Variants in HS6ST3 observed in about 807,000 individuals in gnomAD.
HS6ST3 encodes the protein heparan sulfate 6-O-sulfotransferase 3.
Under a neutral mutation model 36.7 loss-of-function variants are expected in HS6ST3, and 12 were observed. The ratio of observed to expected loss-of-function variants is 0.33; its 90% CI spans 0.21 to 0.53. The LOEUF (loss-of-function observed/expected upper bound fraction) is 0.53. Among genes scored for constraint, HS6ST3 ranks in the 20% least tolerant of loss-of-function variants. The pLI is 0.95. For synonymous variants in HS6ST3, 240 were observed against 257.5 expected, an observed-to-expected ratio of 0.93 and a Z score of 0.65; for missense variants, 584 against 640.9, an observed-to-expected ratio of 0.91 and a Z score of 0.96.
chr13:96,179,199 T>C (rs909664174), intron 1 of HS6ST3, among the ~76,000 whole-genome samples: 1 of 152,012 alleles, frequency 6.6e-6, no homozygotes, highest in Non-Finnish European at 1.5e-5. Flanking sequence ...CAAGGTACCT[T>C]CAAAAAAAGA....
chr13:96,438,657 A>T (rs1442955138), intron 1 of HS6ST3, among the ~76,000 whole-genome samples: 1 of 152,208 alleles, frequency 6.6e-6, no homozygotes, highest in African/African-American at 2.4e-5. Context: ...CTCACAATTG[A>T]TTGTTCCTGA....
intron 1 of HS6ST3, among the ~76,000 whole-genome samples, chr13:96,750,702 A>G (rs1219514348): frequency 6.6e-6 from 1 of 152,200 alleles, no homozygotes; most frequent in Non-Finnish European, 1.5e-5. Context: ...AACCATGTAG[A>G]CATTCAAGAA....
chr13:96,321,597 C>T (rs527582523), intron 1 of HS6ST3, among the ~76,000 whole-genome samples: 2 of 152,156 alleles, frequency 1.3e-5, no homozygotes, highest in Non-Finnish European at 2.9e-5. Context: ...TGGCTACCTC[C>T]TTTTCACTGT....
intron 1 of HS6ST3, among the ~76,000 whole-genome samples, chr13:96,315,163 C>T (rs1018620900): frequency 6.6e-6 from 1 of 152,124 alleles, no homozygotes; most frequent in Non-Finnish European, 1.5e-5. Context: ...ATACTACACC[C>T]AGTGTCTGCA....
intron 1 of HS6ST3, among the ~76,000 whole-genome samples, chr13:96,234,013 C>T (rs2054520296): frequency 6.6e-6 from 1 of 151,632 alleles, no homozygotes; most frequent in Non-Finnish European, 1.5e-5. Context: ...ATGGGACACA[C>T]CATAGCACAT....
chr13:96,240,069 C>T (rs1691997463), intron 1 of HS6ST3, among the ~76,000 whole-genome samples: 1 of 152,026 alleles, frequency 6.6e-6, no homozygotes, highest in Non-Finnish European at 1.5e-5. Context: ...AATTTGGGGT[C>T]AGGGAGTGGT....
intron 1 of HS6ST3, among the ~76,000 whole-genome samples, chr13:96,823,807 A>G (rs192139059): frequency 6.6e-6 from 1 of 152,074 alleles, no homozygotes; most frequent in East Asian, 1.9e-4. Context: ...TTTAGTAGAG[A>G]TAGGGTTTCG....
chr13:96,638,421 G>A (rs1307363403), intron 1 of HS6ST3, among the ~76,000 whole-genome samples: 1 of 152,016 alleles, frequency 6.6e-6, no homozygotes, highest in Non-Finnish European at 1.5e-5. Context: ...CTCTACTGCA[G>A]TTTCTTCATC....
At chr13:96,321,618 C>A (rs2139415170) in intron 1 of HS6ST3, among the ~76,000 whole-genome samples, 1 of 152,306 alleles carries the variant, frequency 6.6e-6, no homozygotes. Context: ...CTCTCACTGT[C>A]CTCATTCCTG....
chr13:96,381,165 G>T (rs2055338666), intron 1 of HS6ST3, among the ~76,000 whole-genome samples: 1 of 152,158 alleles, frequency 6.6e-6, no homozygotes, highest in South Asian at 2.1e-4. Flanking sequence ...CATGCTTGAG[G>T]CAATGGATAA....
At chr13:96,134,189 T>C (rs775867810) in intron 1 of HS6ST3, among the ~76,000 whole-genome samples, 2 of 152,148 alleles carry the variant, frequency 1.3e-5, no homozygotes, top group Non-Finnish European at 2.9e-5. Flanking sequence ...CCATTTACTT[T>C]TGTTGTTCTT....
At chr13:96,757,534 A>G (rs1220053745) in intron 1 of HS6ST3, among the ~76,000 whole-genome samples, 1 of 152,184 alleles carries the variant, frequency 6.6e-6, no homozygotes. Context: ...ATTGAATAAA[A>G]TTGCTATGAT....
intron 1 of HS6ST3, chr13:96,574,363 C>A: frequency 2.4e-6 from 1 of 423,884 alleles, no homozygotes; most frequent in Non-Finnish European, 4.6e-6. Flanking sequence ...ATCCAATTAC[C>A]AGTGAATTTG....
chr13:96,104,218 T>A (rs1198245205), intron 1 of HS6ST3, among the ~76,000 whole-genome samples: 1 of 152,198 alleles, frequency 6.6e-6, no homozygotes, highest in African/African-American at 2.4e-5. Flanking sequence ...TACTTTAGAA[T>A]AGAAAATAAA....
chr13:96,464,946 T>C (rs1183989129), intron 1 of HS6ST3, among the ~76,000 whole-genome samples: 1 of 104,734 alleles, frequency 9.5e-6, no homozygotes, highest in Non-Finnish European at 1.9e-5. Flanking sequence ...GCAAGATGCT[T>C]CGTGTGTGTG....
chr13:96,378,635 G>A (rs2055325990), intron 1 of HS6ST3, among the ~76,000 whole-genome samples: 1 of 152,038 alleles, frequency 6.6e-6, no homozygotes, highest in South Asian at 2.1e-4. Flanking sequence ...TTCTATGACG[G>A]CCCCTTAACT....
intron 1 of HS6ST3, among the ~76,000 whole-genome samples, chr13:96,477,573 A>G (rs2055870163): frequency 6.6e-6 from 1 of 152,068 alleles, no homozygotes; most frequent in Admixed American, 6.6e-5. Flanking sequence ...CCCAAAACAA[A>G]ATACTGTGTT....
At chr13:96,534,904 G>T (rs1379761131) in intron 1 of HS6ST3, among the ~76,000 whole-genome samples, 1 of 152,146 alleles carries the variant, frequency 6.6e-6, no homozygotes, top group Non-Finnish European at 1.5e-5. Context: ...AGGTTGCTGT[G>T]AGCAGAGATC....
intron 1 of HS6ST3, among the ~76,000 whole-genome samples, chr13:96,095,986 T>C (rs1017963557): frequency 4.6e-5 from 7 of 151,942 alleles, no homozygotes; most frequent in Admixed American, 1.3e-4. Flanking sequence ...CTGTGTCAAT[T>C]GTAGGTGCAA....
Sources: allele counts gnomAD v4.1 joint callset (sites outside exome capture counted in the v4.1 genomes callset), GRCh38; gene constraint gnomAD v4.1.1; transcripts MANE v1.5; gene names NCBI Gene and HGNC (gene_info 2026-07-23, HGNC 2026-07-21).